DLG2: variants seen among roughly 807,000 people sequenced by gnomAD.
DLG2 encodes the protein disks large homolog 2.
In DLG2, 45 loss-of-function variants were observed where a neutral mutation model predicts 132.5. The ratio of observed to expected loss-of-function variants is 0.34; its 90% confidence interval spans 0.27 to 0.44. DLG2 has a LOEUF of 0.44. DLG2 is among the 20% of genes least tolerant of loss of function. The pLI is 1.00. For missense variants in DLG2, 1,045 were observed against 1,196.9 expected, an observed-to-expected ratio of 0.87 and a Z score of 1.87; for synonymous variants, 424 against 419.6, an observed-to-expected ratio of 1.01 and a Z score of -0.13.
intron 4 of DLG2, among the ~76,000 whole-genome samples, chr11:85,221,547 T>C (rs933678277): frequency 1.3e-5 from 2 of 152,232 alleles, no homozygotes; most frequent in Non-Finnish European, 1.5e-5. Flanking sequence ...TCAATTAATG[T>C]TTTGTTTAAA....
chr11:85,013,448 C>T (rs184830314), intron 6 of DLG2, among the ~76,000 whole-genome samples: 6 of 152,202 alleles, frequency 3.9e-5, no homozygotes, highest in Non-Finnish European at 7.4e-5. Flanking sequence ...AGATAAATAA[C>T]GATTTTGTGA....
At chr11:83,677,016 T>G (rs950191732) in intron 18 of DLG2, among the ~76,000 whole-genome samples, 2 of 152,168 alleles carry the variant, frequency 1.3e-5, no homozygotes, top group Non-Finnish European at 2.9e-5. Flanking sequence ...ACACATGGCT[T>G]TCCCAAGTAT....
intron 6 of DLG2, among the ~76,000 whole-genome samples, chr11:84,983,287 G>C (rs950997378): frequency 1.5e-4 from 23 of 152,276 alleles, no homozygotes; most frequent in South Asian, 6.2e-4. Context: ...CCATGGCTGA[G>C]AGACCCACAG....
intron 8 of DLG2, among the ~76,000 whole-genome samples, chr11:84,249,470 A>C (rs1489807911): frequency 6.6e-6 from 1 of 152,010 alleles, no homozygotes; most frequent in Non-Finnish European, 1.5e-5. Context: ...ATCTGGATTG[A>C]CTCTTGACTC....
chr11:84,825,488 C>G (rs1040338564), intron 6 of DLG2, among the ~76,000 whole-genome samples: 2 of 151,900 alleles, frequency 1.3e-5, no homozygotes, highest in Non-Finnish European at 2.9e-5. Context: ...TTTAAAAAAT[C>G]CAAAAGCAAT....
At chr11:85,236,079 T>G (rs2075572664) in intron 4 of DLG2, among the ~76,000 whole-genome samples, 1 of 151,914 alleles carries the variant, frequency 6.6e-6, no homozygotes. Context: ...TAAGTCTATA[T>G]TCTAAGATCT....
chr11:83,907,270 C>T (rs908141734), intron 15 of DLG2, among the ~76,000 whole-genome samples: 3 of 152,096 alleles, frequency 2.0e-5, no homozygotes, highest in Middle Eastern at 3.4e-3. Flanking sequence ...TTACTATATC[C>T]CAAACATTGG....
intron 6 of DLG2, among the ~76,000 whole-genome samples, chr11:85,059,329 T>C (rs1183433265): frequency 6.6e-6 from 1 of 151,510 alleles, no homozygotes; most frequent in African/African-American, 2.4e-5. Flanking sequence ...TATAGATTTG[T>C]ATAATCACTT....
chr11:84,265,960 C>T (rs777130764), intron 7 of DLG2, among the ~76,000 whole-genome samples: 1 of 152,088 alleles, frequency 6.6e-6, no homozygotes, highest in South Asian at 2.1e-4. Context: ...TAACTCTGAA[C>T]AGCTGTCTAT....
intron 20 of DLG2, among the ~76,000 whole-genome samples, chr11:83,539,563 A>C (rs1353897188): frequency 6.6e-6 from 1 of 151,984 alleles, no homozygotes; most frequent in African/African-American, 2.4e-5. Context: ...CAAATACTTA[A>C]AGGAATAAAA....
intron 6 of DLG2, among the ~76,000 whole-genome samples, chr11:84,791,235 A>AC (rs770110724): frequency 7.2e-5 from 11 of 152,262 alleles, no homozygotes; most frequent in Middle Eastern, 3.4e-3. Flanking sequence ...CTCCCTCAAC[A>AC]CCAGCTGAAG....
intron 6 of DLG2, among the ~76,000 whole-genome samples, chr11:84,917,687 C>A (rs962400814): frequency 6.6e-6 from 1 of 152,108 alleles, no homozygotes; most frequent in Non-Finnish European, 1.5e-5. Flanking sequence ...GTTCAATGTG[C>A]TGTTTTATCC....
intron 8 of DLG2, among the ~76,000 whole-genome samples, chr11:84,231,863 G>C (rs2097098013): frequency 6.6e-6 from 1 of 152,032 alleles, no homozygotes; most frequent in African/African-American, 2.4e-5. Flanking sequence ...AGTAGACCAA[G>C]GGTCTTGACA....
intron 12 of DLG2, among the ~76,000 whole-genome samples, chr11:83,978,122 A>T (rs982528280): frequency 3.9e-5 from 6 of 152,122 alleles, no homozygotes; most frequent in African/African-American, 1.4e-4. Context: ...ATGGTAATAA[A>T]AAATAGTGTA....
At chr11:84,978,907 T>C (rs1400490627) in intron 6 of DLG2, among the ~76,000 whole-genome samples, 1 of 152,042 alleles carries the variant, frequency 6.6e-6, no homozygotes, top group Non-Finnish European at 1.5e-5. Context: ...ATTTTTGCAA[T>C]CTACTCATCT....
intron 3 of DLG2, among the ~76,000 whole-genome samples, chr11:85,572,739 C>T (rs972123912): frequency 6.6e-6 from 1 of 152,198 alleles, no homozygotes; most frequent in African/African-American, 2.4e-5. Flanking sequence ...AAAATTCACA[C>T]ATGCACGCAA....
chr11:85,586,008 C>A (rs758674799), intron 3 of DLG2, among the ~76,000 whole-genome samples: 2 of 152,174 alleles, frequency 1.3e-5, no homozygotes, highest in Admixed American at 6.5e-5. Context: ...TGAGCCTCCA[C>A]ACCCAACCTG....
At chr11:83,508,708 A>G (rs2094860226) in intron 21 of DLG2, among the ~76,000 whole-genome samples, 1 of 152,098 alleles carries the variant, frequency 6.6e-6, no homozygotes, top group African/African-American at 2.4e-5. Flanking sequence ...CAAACACAAC[A>G]CAAATACCTT....
chr11:83,480,144 G>A (rs1397558332), intron 22 of DLG2, among the ~76,000 whole-genome samples: 1 of 152,154 alleles, frequency 6.6e-6, no homozygotes, highest in South Asian at 2.1e-4. Flanking sequence ...GGTTGGAATT[G>A]TTTATTAGCA....
Sources: allele counts gnomAD v4.1 joint callset (sites outside exome capture counted in the v4.1 genomes callset), GRCh38; gene constraint gnomAD v4.1.1; transcripts MANE v1.5; gene names NCBI Gene and HGNC (gene_info 2026-07-23, HGNC 2026-07-21).